The following SORCS2 variants were observed in gnomAD, a reference collection of about 807,000 sequenced individuals.
The protein encoded by SORCS2 is sortilin related VPS10 domain containing receptor 2.
Under a neutral mutation model 141.6 loss-of-function variants are expected in SORCS2, and 100 were observed. That is an observed-to-expected ratio of 0.71 (90% CI 0.60 to 0.83). The LOEUF (loss-of-function observed/expected upper bound fraction) is 0.83. Among genes scored for constraint, SORCS2 ranks in the 40% least tolerant of loss-of-function variants. The probability of loss-of-function intolerance (pLI) is 0.00; values close to 1 mark genes in which losing one functional copy is unlikely to be tolerated. For synonymous variants in SORCS2, 789 were observed against 676.9 expected (o/e 1.17, Z -2.57); for missense variants, 1,646 against 1,560.2 (o/e 1.05, Z -0.93).
chr4:7,533,605 C>T (rs1464363329), intron 3 of SORCS2, among the ~76,000 whole-genome samples: 1 of 152,198 alleles, frequency 6.6e-6, no homozygotes, highest in Non-Finnish European at 1.5e-5. Flanking sequence ...GATGGTACCT[C>T]CAGGGTCAGC....
intron 3 of SORCS2, among the ~76,000 whole-genome samples, chr4:7,537,522 G>GATC (rs1359258092): frequency 3.3e-5 from 5 of 152,314 alleles, no homozygotes; most frequent in African/African-American, 1.2e-4. Context: ...GTGCTAGAGA[G>GATC]AGAGAGCCCT....
At chr4:7,291,068 G>A (rs1273364561) in intron 1 of SORCS2, among the ~76,000 whole-genome samples, 1 of 152,144 alleles carries the variant, frequency 6.6e-6, no homozygotes, top group Non-Finnish European at 1.5e-5. Flanking sequence ...GCTAAGTGGA[G>A]CACAGGGCAT....
intron 2 of SORCS2, among the ~76,000 whole-genome samples, chr4:7,458,796 C>T (rs1221288249): frequency 1.3e-5 from 2 of 151,932 alleles, no homozygotes; most frequent in African/African-American, 4.8e-5. Context: ...ATAGCGGGAG[C>T]AGTGGTGGTG....
intron 11 of SORCS2, among the ~76,000 whole-genome samples, chr4:7,695,921 TG>T (rs1724669999): frequency 8.9e-6 from 1 of 112,374 alleles, no homozygotes; most frequent in Admixed American, 9.0e-5. Context: ...GATGGATGGA[TG>T]GATTGGTGGG....
At chr4:7,524,890 A>G (rs1410307007) in intron 2 of SORCS2, among the ~76,000 whole-genome samples, 4 of 152,154 alleles carry the variant, frequency 2.6e-5, no homozygotes, top group Non-Finnish European at 5.9e-5. Context: ...CCGCAGAGAG[A>G]AACATGCTCC....
At chr4:7,471,382 G>A (rs1442606306) in intron 2 of SORCS2, among the ~76,000 whole-genome samples, 3 of 152,176 alleles carry the variant, frequency 2.0e-5, no homozygotes, top group African/African-American at 4.8e-5. Flanking sequence ...CCTCAGACGC[G>A]GCCAGGTCTC....
At chr4:7,698,046 C>G (rs545706093) in intron 12 of SORCS2, among the ~76,000 whole-genome samples, 9 of 151,892 alleles carry the variant, frequency 5.9e-5, no homozygotes, top group Non-Finnish European at 1.3e-4. Flanking sequence ...TACCACGTGT[C>G]CTGCGTGGTC....
intron 1 of SORCS2, among the ~76,000 whole-genome samples, chr4:7,216,034 G>C (rs890486485): frequency 6.6e-6 from 1 of 152,106 alleles, no homozygotes; most frequent in African/African-American, 2.4e-5. Flanking sequence ...TCTTGCTACT[G>C]CTCACTCTTT....
intron 12 of SORCS2, among the ~76,000 whole-genome samples, chr4:7,702,421 G>A (rs945195481): frequency 3.3e-5 from 5 of 152,216 alleles, no homozygotes; most frequent in African/African-American, 9.6e-5. Context: ...AGCCACCACC[G>A]GCTCTGCCAC....
At chr4:7,635,352 G>A (rs1401292032) in intron 3 of SORCS2, among the ~76,000 whole-genome samples, 2 of 152,146 alleles carry the variant, frequency 1.3e-5, no homozygotes, top group Non-Finnish European at 2.9e-5. Flanking sequence ...GAACTCGCTA[G>A]GCTATCTCTG....
intron 3 of SORCS2, among the ~76,000 whole-genome samples, chr4:7,571,855 G>T (rs151146826): frequency 6.6e-6 from 1 of 152,198 alleles, no homozygotes; most frequent in Non-Finnish European, 1.5e-5. Flanking sequence ...AGTCCAGCTC[G>T]TTAGCTTCCT....
intron 3 of SORCS2, among the ~76,000 whole-genome samples, chr4:7,591,630 C>A (rs1452345428): frequency 6.6e-6 from 1 of 152,226 alleles, no homozygotes; most frequent in Non-Finnish European, 1.5e-5. Context: ...TTGGCAGTAG[C>A]TCTTTTGAAT....
rs149921436 is a variant in SORCS2 at position 7,433,762 on chromosome 4, C to T, written c.548+37407C>T. On this transcript the variant is annotated intron_variant, in intron 2 of 26. Coordinates refer to ENST00000507866, the MANE Select transcript of SORCS2 (RefSeq NM_020777.3). ...GATGGCATAGGCATCATGGACTGCCCGGGCCCGCCTCCGGTTGCCACACAG... is the reference window on the plus strand; with the variant it reads ...GATGGCATAGGCATCATGGACTGCCTGGGCCCGCCTCCGGTTGCCACACAG... 2.1e-5 allele frequency: 34 copies of T among 1,613,334 alleles called. No homozygotes were observed. The highest frequency in any genetic ancestry group is 4.5e-5 in the East Asian group (2 of 44,878).
chr4:7,678,482 G>T (rs1723307964), intron 9 of SORCS2, among the ~76,000 whole-genome samples: 1 of 146,706 alleles, frequency 6.8e-6, no homozygotes, highest in Non-Finnish European at 1.5e-5. Context: ...TGTATTTGCT[G>T]TGTGGCCATA....
chr4:7,352,832 C>T (rs1190512941), intron 1 of SORCS2, among the ~76,000 whole-genome samples: 2 of 152,150 alleles, frequency 1.3e-5, no homozygotes, highest in Non-Finnish European at 2.9e-5. Flanking sequence ...TTGGTGAAGT[C>T]ACGGCCTTTG....
At chr4:7,429,171 C>G (rs1175028850) in intron 2 of SORCS2, among the ~76,000 whole-genome samples, 1 of 152,142 alleles carries the variant, frequency 6.6e-6, no homozygotes, top group African/African-American at 2.4e-5. Flanking sequence ...CCGGCACACC[C>G]CCTGCCTAGG....
At chr4:7,661,335 C>T (rs924739083) in intron 5 of SORCS2, among the ~76,000 whole-genome samples, 165 bp from the exon 6 acceptor site, 5 of 152,024 alleles carry the variant, frequency 3.3e-5, no homozygotes, top group Non-Finnish European at 1.5e-5. Flanking sequence ...CTCCAAGCAC[C>T]TCAGGAGCAG....
chr4:7,567,398 G>A (rs947803844), intron 3 of SORCS2, among the ~76,000 whole-genome samples: 28 of 140,356 alleles, frequency 2.0e-4, no homozygotes, highest in African/African-American at 8.1e-4. Flanking sequence ...GACTTCCCTT[G>A]TTTGTGATAA....
intron 4 of SORCS2, among the ~76,000 whole-genome samples, chr4:7,640,261 T>C (rs1360092787): frequency 6.7e-6 from 1 of 150,066 alleles, no homozygotes; most frequent in Non-Finnish European, 1.5e-5. Context: ...AGTGTGTATG[T>C]ATGTGAGCAT....
Sources: allele counts gnomAD v4.1 joint callset (sites outside exome capture counted in the v4.1 genomes callset), GRCh38; gene constraint gnomAD v4.1.1; transcripts MANE v1.5; gene names NCBI Gene and HGNC (gene_info 2026-07-23, HGNC 2026-07-21).